Variants in RORA observed in about 807,000 individuals in gnomAD.
The protein encoded by RORA is RAR related orphan receptor A.
Under a neutral mutation model 69.5 loss-of-function variants are expected in RORA, and 7 were observed. The ratio of observed to expected loss-of-function variants is 0.10; its 90% CI spans 0.06 to 0.19. RORA has a LOEUF of 0.19. Among genes scored for constraint, RORA ranks in the 10% least tolerant of loss-of-function variants. RORA has a pLI of 1.00. For synonymous variants in RORA, 261 were observed against 240.8 expected (o/e 1.08, Z -0.78); for missense variants, 457 against 663.0 (o/e 0.69, Z 3.41).
At chr15:60,704,011 C>A (rs2071023315) in intron 1 of RORA, among the ~76,000 whole-genome samples, 1 of 152,016 alleles carries the variant, frequency 6.6e-6, no homozygotes, top group Non-Finnish European at 1.5e-5. Flanking sequence ...TATTGTTTTA[C>A]TTTTATGACG....
intron 1 of RORA, among the ~76,000 whole-genome samples, chr15:60,942,193 T>C (rs573862188): frequency 4.6e-5 from 7 of 152,264 alleles, no homozygotes; most frequent in African/African-American, 7.2e-5. Flanking sequence ...CCTTACATAA[T>C]GGTCAGCTAC....
intron 1 of RORA, among the ~76,000 whole-genome samples, chr15:61,092,686 G>A (rs1272995796): frequency 6.6e-6 from 1 of 152,070 alleles, no homozygotes; most frequent in African/African-American, 2.4e-5. Context: ...CAATCTGATG[G>A]GCTTACATAT....
chr15:60,781,502 T>G (rs1162212372), intron 1 of RORA, among the ~76,000 whole-genome samples: 1 of 152,090 alleles, frequency 6.6e-6, no homozygotes, highest in Non-Finnish European at 1.5e-5. Flanking sequence ...CCCACAGAGT[T>G]AAGCGCAGCT....
At chr15:60,857,064 G>A (rs866820315) in intron 1 of RORA, among the ~76,000 whole-genome samples, 4 of 152,164 alleles carry the variant, frequency 2.6e-5, no homozygotes, top group East Asian at 1.9e-4. Context: ...TTCAATAAAC[G>A]TCTAGTGGGA....
intron 1 of RORA, among the ~76,000 whole-genome samples, chr15:60,924,109 T>C (rs1356384279): frequency 6.6e-6 from 1 of 152,128 alleles, no homozygotes; most frequent in African/African-American, 2.4e-5. Flanking sequence ...CTGCCCTCTA[T>C]CCCATACCCC....
At chr15:61,115,278 CAA>C (rs10551257) in intron 1 of RORA, among the ~76,000 whole-genome samples, 55,064 of 146,264 alleles carry the variant, frequency 0.38, 11,054 homozygotes, top group African/African-American at 0.55. Flanking sequence ...ATGGATATTC[CAA>C]AAAAAAAAAA....
chr15:60,839,849 G>A (rs2073172906), intron 1 of RORA, among the ~76,000 whole-genome samples: 1 of 152,224 alleles, frequency 6.6e-6, no homozygotes, highest in South Asian at 2.1e-4. Context: ...ATATGTCTAT[G>A]TGCAGGTATG....
intron 1 of RORA, among the ~76,000 whole-genome samples, chr15:61,096,127 A>C (rs961423836): frequency 6.6e-6 from 1 of 152,210 alleles, no homozygotes; most frequent in Non-Finnish European, 1.5e-5. Flanking sequence ...GCAAGACCCC[A>C]TGCGGACAGC....
intron 2 of RORA, among the ~76,000 whole-genome samples, chr15:60,595,235 G>A (rs565715764): frequency 2.6e-5 from 4 of 152,120 alleles, no homozygotes; most frequent in East Asian, 3.9e-4. Flanking sequence ...TGTAAAAGCC[G>A]GGCATGGTGG....
intron 1 of RORA, among the ~76,000 whole-genome samples, chr15:60,799,034 A>C (rs971042126): frequency 3.3e-5 from 5 of 151,720 alleles, no homozygotes; most frequent in South Asian, 2.1e-4. Context: ...GAGGGCTGAC[A>C]TATAGCTGTG....
intron 1 of RORA, among the ~76,000 whole-genome samples, chr15:61,086,825 ACGTATTATCTATGGCACTTCTAT>A (rs2078632640): frequency 6.6e-6 from 1 of 151,992 alleles, no homozygotes. Context: ...TCATTTGTTT[ACGTATTATCTATGGCACTTCTAT>A]TGTACAACAG....
chr15:61,193,596 AAGAT>A (rs2079820586), intron 1 of RORA, among the ~76,000 whole-genome samples: 2 of 152,326 alleles, frequency 1.3e-5, no homozygotes, highest in Non-Finnish European at 2.9e-5. Context: ...ATCTTTACTT[AAGAT>A]AGTTTGAGTC....
intron 2 of RORA, among the ~76,000 whole-genome samples, chr15:60,538,912 T>C (rs1465271808): frequency 2.0e-5 from 3 of 151,880 alleles, no homozygotes; most frequent in Non-Finnish European, 4.4e-5. Context: ...TCTCAAAAAC[T>C]TCAACTGGAT....
intron 1 of RORA, among the ~76,000 whole-genome samples, chr15:61,197,399 G>A (rs1055160024): frequency 2.5e-4 from 38 of 152,148 alleles, no homozygotes; most frequent in African/African-American, 7.2e-4. Context: ...GCCGAACCGC[G>A]GCCTGAGTTC....
At chr15:60,970,984 T>G (rs1367244816) in intron 1 of RORA, among the ~76,000 whole-genome samples, 1 of 152,254 alleles carries the variant, frequency 6.6e-6, no homozygotes, top group East Asian at 1.9e-4. Flanking sequence ...TGACTCATGT[T>G]GGAAGAAAGC....
chr15:60,759,808 T>A (rs927731689), intron 1 of RORA, among the ~76,000 whole-genome samples: 1 of 152,150 alleles, frequency 6.6e-6, no homozygotes, highest in Non-Finnish European at 1.5e-5. Flanking sequence ...GAAGATATGA[T>A]GGAATGGAAA....
chr15:60,795,643 T>G (rs1290956957), intron 1 of RORA, among the ~76,000 whole-genome samples: 5 of 152,270 alleles, frequency 3.3e-5, no homozygotes. Context: ...CTTCCTGCCC[T>G]CCCTCCCTCC....
intron 2 of RORA, among the ~76,000 whole-genome samples, chr15:60,582,938 T>C (rs1266054860): frequency 6.6e-6 from 1 of 152,224 alleles, no homozygotes; most frequent in Non-Finnish European, 1.5e-5. Context: ...TGTTATTATC[T>C]GCATTTATCT....
intron 1 of RORA, among the ~76,000 whole-genome samples, chr15:60,781,768 C>T (rs938099452): frequency 2.0e-5 from 3 of 152,220 alleles, no homozygotes; most frequent in African/African-American, 7.2e-5. Context: ...TGACATCCTC[C>T]AGAGTTTGAG....
Sources: gnomAD v4.1 joint callset for allele counts (sites outside exome capture counted in the v4.1 genomes callset) on GRCh38, gnomAD v4.1.1 for gene constraint, MANE v1.5 for transcripts, NCBI Gene and HGNC (gene_info 2026-07-23, HGNC 2026-07-21) for gene names.